The following NRXN1 variants were observed in gnomAD, a reference collection of about 807,000 sequenced individuals.
NRXN1 encodes neurexin-1.
Under a neutral mutation model 150.9 loss-of-function variants are expected in NRXN1, and 39 were observed. The observed-to-expected ratio is 0.26, with a 90% confidence interval of 0.20 to 0.34. The LOEUF (loss-of-function observed/expected upper bound fraction) is 0.34. Ranked by LOEUF, NRXN1 falls within the 10% of genes least tolerant of loss-of-function variation. The pLI is 1.00. For synonymous variants in NRXN1, 924 were observed against 757.0 expected, an observed-to-expected ratio of 1.22 and a Z score of -3.62; for missense variants, 1,815 against 1,949.9, an observed-to-expected ratio of 0.93 and a Z score of 1.30.
At chr2:50,893,311 G>A (rs965493834) in intron 5 of NRXN1, among the ~76,000 whole-genome samples, 1 of 152,110 alleles carries the variant, frequency 6.6e-6, no homozygotes, top group Non-Finnish European at 1.5e-5. Flanking sequence ...TATGACTAAT[G>A]CCACAAAAGG....
chr2:50,558,462 C>T (rs1040888936), intron 8 of NRXN1, among the ~76,000 whole-genome samples: 3 of 152,044 alleles, frequency 2.0e-5, no homozygotes, highest in Non-Finnish European at 4.4e-5. Flanking sequence ...TTCTAAATAC[C>T]AGTATTTTTC....
At chr2:50,548,181 C>T (rs932262085) in intron 9 of NRXN1, 2 of 152,158 alleles carry the variant, frequency 1.3e-5, no homozygotes, top group Admixed American at 1.3e-4. Flanking sequence ...AAAGGAGTTA[C>T]CACCTTCCTT....
chr2:50,470,226 C>A (rs1015949096), intron 16 of NRXN1, among the ~76,000 whole-genome samples: 4 of 151,778 alleles, frequency 2.6e-5, no homozygotes, highest in East Asian at 3.9e-4. Flanking sequence ...AATGAGATCA[C>A]CTCCAAGAAT....
chr2:50,210,605 C>A (rs1317058597), intron 18 of NRXN1, among the ~76,000 whole-genome samples: 3 of 151,620 alleles, frequency 2.0e-5, no homozygotes, highest in African/African-American at 4.8e-5. Context: ...ATGTAGACTG[C>A]ATATCACCAT....
rs186783434 is a variant in NRXN1 at position 50,157,713 on chromosome 2, G to T, written c.3547-66219C>A. 3.8e-4 allele frequency among the ~76,000 whole-genome samples: 58 copies of T among 152,166 alleles called. 1 individual carries two copies. In the East Asian group the frequency reaches 0.011, roughly 29 times the overall value. On this transcript the variant is annotated intron_variant, in intron 18 of 22. Transcript: ENST00000401669. ...TGGAGGCAGTAAGAATGGAGAGGAA[G>T]AAACAATGCAAATAAAGTCCACCAG...
At chr2:50,668,728 C>A (rs1688419512) in intron 5 of NRXN1, among the ~76,000 whole-genome samples, 1 of 151,964 alleles carries the variant, frequency 6.6e-6, no homozygotes, top group African/African-American at 2.4e-5. Flanking sequence ...ATAGCATTAA[C>A]AGCATAGGGA....
intron 2 of NRXN1, among the ~76,000 whole-genome samples, chr2:50,944,462 A>G (rs1226660790): frequency 6.6e-6 from 1 of 152,190 alleles, no homozygotes. Context: ...TAAAAATCAC[A>G]TATATTATGT....
At chr2:50,649,529 T>C (rs958440873) in intron 5 of NRXN1, among the ~76,000 whole-genome samples, 1 of 151,968 alleles carries the variant, frequency 6.6e-6, no homozygotes, top group Non-Finnish European at 1.5e-5. Context: ...AGAAATGTGT[T>C]CATTAGCTTA....
At chr2:50,626,212 C>T (rs1208234127) in intron 5 of NRXN1, among the ~76,000 whole-genome samples, 1 of 151,482 alleles carries the variant, frequency 6.6e-6, no homozygotes, top group Non-Finnish European at 1.5e-5. Context: ...AATGTTTCAA[C>T]ATATGTAAAT....
intron 17 of NRXN1, among the ~76,000 whole-genome samples, chr2:50,436,592 T>G (rs1430646270): frequency 6.6e-6 from 1 of 152,214 alleles, no homozygotes; most frequent in East Asian, 1.9e-4. Flanking sequence ...TAATCCCAGA[T>G]AGGTTTCAGG....
At position 50,346,716 on chromosome 2, in the gene NRXN1, T is replaced by G; in HGVS notation, c.3365-109746A>C. On this transcript the variant is annotated intron_variant, in intron 17 of 22. Coordinates refer to ENST00000401669, the MANE Select transcript of NRXN1 (RefSeq NM_001330078.2). This position sits in a 1 kb window ranked among gnomAD's most constrained non-coding sequence, Gnocchi z 5.0. ...CGTGTCCGCCTCGCAAGGATGCCGG[T>G]GACCTGTAGATTGCAATAGGCACTG... 6 of 1,613,668 alleles carry G rather than the reference T, an allele frequency of 3.7e-6. No homozygotes were observed. Among genetic ancestry groups the G allele is most frequent in the Non-Finnish European group, 5.1e-6 (6 of 1,179,834 alleles).
chr2:50,245,885 G>A (rs999351620), intron 17 of NRXN1, among the ~76,000 whole-genome samples: 8 of 151,634 alleles, frequency 5.3e-5, no homozygotes, highest in African/African-American at 1.9e-4. Flanking sequence ...TCAAACAGAT[G>A]GGTGCAGGCT....
chr2:50,151,630 G>C (rs886490553), intron 18 of NRXN1, among the ~76,000 whole-genome samples: 1 of 151,774 alleles, frequency 6.6e-6, no homozygotes, highest in Non-Finnish European at 1.5e-5. Flanking sequence ...TAAATAATAT[G>C]GGATAGAAAC....
At chr2:50,606,286 A>G (rs1196343940) in intron 8 of NRXN1, among the ~76,000 whole-genome samples, 2 of 150,514 alleles carry the variant, frequency 1.3e-5, no homozygotes, top group Non-Finnish European at 3.0e-5. Context: ...GAAATCCTGC[A>G]ATATATGTCA....
Position 50,615,956 on chromosome 2 carries a change from C to T in NRXN1, c.1320+4066G>A, listed in dbSNP as rs375538110. On this transcript the variant is annotated intron_variant, in intron 8 of 22. Transcript: ENST00000401669. ...AAATAATATAAACAAGTATTTCTGT[C>T]AAAACAGTGTTGCCTTTGCAAAAAT... 18 of 152,100 alleles carry T rather than the reference C, an allele frequency of 1.2e-4. No homozygotes were observed. The East Asian group carries it at 1.3e-3, about 11-fold the overall frequency. The allele number at this position is 152,100 out of a possible 1,614,324, so 9.4% of individuals were successfully genotyped here.
chr2:50,568,401 A>G (rs1366813294), intron 8 of NRXN1, among the ~76,000 whole-genome samples: 2 of 152,198 alleles, frequency 1.3e-5, no homozygotes, highest in Admixed American at 1.3e-4. Context: ...CCATCTGACA[A>G]GGGATTAATA....
chr2:51,030,817 C>T (rs140172827), intron 1 of NRXN1, among the ~76,000 whole-genome samples: 176 of 152,136 alleles, frequency 1.2e-3, no homozygotes, highest in African/African-American at 4.1e-3. Flanking sequence ...CAAAATAAAT[C>T]TGGAATATCA....
intron 17 of NRXN1, among the ~76,000 whole-genome samples, chr2:50,424,147 G>GGGA (rs2084257525): frequency 1.8e-5 from 2 of 111,702 alleles, no homozygotes; most frequent in African/African-American, 3.5e-5. Flanking sequence ...GGAGGAGGGG[G>GGGA]GGAGGAGGAA....
chr2:50,596,291 C>G (rs556252250), intron 8 of NRXN1, among the ~76,000 whole-genome samples: 1,113 of 85,224 alleles, frequency 0.013, 10 homozygotes, highest in African/African-American at 0.036. Context: ...TACCTTTTCT[C>G]AGATCGTTGT....
Sources: allele counts gnomAD v4.1 joint callset (sites outside exome capture counted in the v4.1 genomes callset), GRCh38; gene constraint gnomAD v4.1.1; non-coding constraint Gnocchi (gnomAD v3.1); transcripts MANE v1.5; gene names NCBI Gene and HGNC (gene_info 2026-07-23, HGNC 2026-07-21).